The following CRYBG2 variants were observed in gnomAD, a reference collection of about 807,000 sequenced individuals.
CRYBG2 encodes the protein beta/gamma crystallin domain-containing protein 2.
Under a neutral mutation model 153.4 loss-of-function variants are expected in CRYBG2, and 106 were observed. That is an observed-to-expected ratio of 0.69 (90% CI 0.59 to 0.81). The LOEUF is 0.81. Ranked by LOEUF, CRYBG2 falls within the 30% of genes least tolerant of loss-of-function variation. CRYBG2 has a pLI of 0.00. For synonymous variants in CRYBG2, 851 were observed against 877.8 expected (o/e 0.97, Z 0.54); for missense variants, 1,996 against 2,112.0 (o/e 0.95, Z 1.08).
At chr1:26,329,760 T>C (rs1469480907) in intron 15 of CRYBG2, among the ~76,000 whole-genome samples, 1 of 151,942 alleles carries the variant, frequency 6.6e-6, no homozygotes, top group Non-Finnish European at 1.5e-5. Flanking sequence ...TACTTTATTT[T>C]TTTGAGATGG....
rs781266602 is a variant in CRYBG2 at position 26,338,369 on chromosome 1, G to A, written c.3453C>T (p.Ser1151=). 5.6e-6 allele frequency: 9 copies of A among 1,608,862 alleles called. No homozygotes were observed. In the East Asian group the frequency reaches 1.3e-4, roughly 24 times the overall value. Residue 1151 remains serine (S), a synonymous_variant, in exon 7 of 20, where the codon TCC becomes TCT. Coordinates refer to ENST00000308182, the MANE Select transcript of CRYBG2 (RefSeq NM_001039775.4). ...AWGTSDPSVG[S]LKPMRLGCPS... is the part of the protein sequence containing the mutation. The stretch of plus-strand genomic sequence containing the variant: ...TCTTTACCAATCTCATGGGCTTCAG[G>A]GAGCCCACGCTGGGGTCCGATGTGC...
At position 26,353,110 on chromosome 1, in the gene CRYBG2, T is replaced by C. The variant is rs149024080; in HGVS notation, c.-56+926A>G. ...GGTTAGAGCACAGGCACTGGAGTTA[T>C]AGAAACCTAAGTTCAGATTCTAGCC... On this transcript the variant is annotated intron_variant, in intron 1 of 19. Transcript: ENST00000308182. Among the ~76,000 whole-genome samples the C allele has an allele frequency of 1.4e-3, 209 of 152,314 alleles. 1 individual carries two copies. The highest frequency in any genetic ancestry group is 4.6e-3 in the African/African-American group (190 of 41,566).
chr1:26,342,588 C>T (rs112075476), intron 5 of CRYBG2, among the ~76,000 whole-genome samples, 166 bp downstream of exon 5: 1 of 152,130 alleles, frequency 6.6e-6, no homozygotes, highest in Non-Finnish European at 1.5e-5. Flanking sequence ...TTAGTAGAGA[C>T]GGGGTTTCAC....
rs2073918459 is a variant in CRYBG2 at position 26,325,831 on chromosome 1, C to T, written c.4579-1521G>A. Among the ~76,000 whole-genome samples the T allele has an allele frequency of 6.6e-6, 1 of 152,174 alleles. No homozygotes were observed. Among genetic ancestry groups the T allele is most frequent in the Non-Finnish European group, 1.5e-5 (1 of 68,026 alleles). On this transcript the variant is annotated intron_variant, in intron 17 of 19. Coordinates refer to ENST00000308182, the MANE Select transcript of CRYBG2 (RefSeq NM_001039775.4). This position sits in a 1 kb window ranked among gnomAD's most constrained non-coding sequence, Gnocchi z 4.1. ...GGACATACAGAAACACATATGCAGG[C>T]AGTGCTTCCCCAAGTGAGGTATGCT...
At chr1:26,341,460 G>A (rs905067379) in intron 5 of CRYBG2, among the ~76,000 whole-genome samples, 7 of 151,860 alleles carry the variant, frequency 4.6e-5, no homozygotes, top group Non-Finnish European at 7.4e-5. Context: ...ATTACTGTGC[G>A]GTGAAAACAA....
chr1:26,327,167 C>T (rs1269133882), intron 17 of CRYBG2: 3 of 240,618 alleles, frequency 1.2e-5, no homozygotes, highest in East Asian at 9.7e-5. Context: ...AACCCCATCT[C>T]TACTAAAAAT....
Position 26,343,978 on chromosome 1 carries a change from G to A in CRYBG2, c.2680C>T (p.Leu894=), listed in dbSNP as rs963655550. 8 of 1,537,056 alleles carry A rather than the reference G, an allele frequency of 5.2e-6. No individual in the cohort carries two copies. Among genetic ancestry groups the A allele is most frequent in the Non-Finnish European group, 6.1e-6 (7 of 1,146,864 alleles). The change falls in exon 2 of 20, where the codon CTG becomes TTG. Residue 894 remains leucine (L), a synonymous_variant. Transcript: ENST00000308182. The surrounding 1 kb of genome is among the most constrained non-coding windows in gnomAD (Gnocchi z 4.1). The part of the protein sequence containing the change: ...KGPHSELGLE[L]QGGSRPTSRL... ...GAAGTGGGCCTGCTGCCTCCCTGCA[G>A]TTCCAATCCCAGCTCTGAGTGGGGG...
At position 26,345,967 on chromosome 1, in the gene CRYBG2, G is replaced by A. The variant is rs748436220; in HGVS notation, c.691C>T (p.Arg231Cys). The A allele has an allele frequency of 1.0e-5, 16 of 1,593,508 alleles. No homozygotes were observed. The highest frequency in any genetic ancestry group is 1.7e-5 in the Admixed American group (1 of 59,750). ...VVGSPPGSPS[R>C]SQAVKVLSNL... is the part of the protein sequence containing the mutation. ...CTTAGCACTTTCACGGCCTGGCTGC[G>A]GCTGGGCGAGCCTGGTGGGGAGCCC... The change falls in exon 2 of 20, where the codon CGC (arginine) becomes TGC (cysteine). Residue 231 changes from arginine (R) to cysteine (C), a missense_variant. Coordinates refer to ENST00000308182, the MANE Select transcript of CRYBG2 (RefSeq NM_001039775.4).
rs1271886628 is a variant in CRYBG2, at chr1:26,344,764, C to T, written c.1894G>A (p.Glu632Lys). The stretch of plus-strand genomic sequence containing the variant: ...CTGCCTTTTGGGCCCTGGACAACCT[C>T]AGTTGACTTGGGGGACAAGGCAGCA... ...APAALSPKST[E>K]VVQGPKGSSS... Residue 632 changes from glutamate (E) to lysine (K), a missense_variant, in exon 2 of 20, where the codon GAG (glutamate) becomes AAG (lysine). Glu to Lys is a moderately conservative substitution (Grantham distance 56, BLOSUM62 1). Transcript: ENST00000308182. 1.3e-6 allele frequency: 2 copies of T among 1,536,080 alleles called. No homozygotes were observed. The highest frequency in any genetic ancestry group is 1.4e-5 in the African/African-American group (1 of 73,048).
At chr1:26,342,333 G>A (rs763849871) in intron 5 of CRYBG2, among the ~76,000 whole-genome samples, 3 of 152,218 alleles carry the variant, frequency 2.0e-5, no homozygotes, top group Non-Finnish European at 4.4e-5. Flanking sequence ...TCCCCAGTCA[G>A]CTCCACGGTC....
rs368646502 is a variant in CRYBG2, at chr1:26,343,892, G to A, written c.2766C>T (p.Thr922=). The A allele has an allele frequency of 6.5e-7, 1 of 1,527,500 alleles. No individual in the cohort carries two copies. Among genetic ancestry groups the A allele is most frequent in the Non-Finnish European group, 8.8e-7 (1 of 1,135,174 alleles). The allele number at this position is 1,527,500 out of a possible 1,614,324, so 94.6% of individuals were successfully genotyped here. A position where few individuals can be genotyped will look rare whatever the true frequency, so the allele number is the denominator to read the frequency against. Residue 922 remains threonine, a synonymous_variant, in exon 2 of 20, where the codon ACC becomes ACT. Coordinates refer to ENST00000308182, the MANE Select transcript of CRYBG2 (RefSeq NM_001039775.4). This position sits in a 1 kb window ranked among gnomAD's most constrained non-coding sequence, Gnocchi z 4.1. ...SLVPTAKEAS[T]PEPLGTKLSA... is the part of the protein sequence containing the mutation. The stretch of plus-strand genomic sequence containing the variant: ...ATAGTTTTGTGCCCAGCGGTTCCGG[G>A]GTGGAGGCCTCCTTGGCGGTAGGCA...
Position 26,338,363 on chromosome 1 carries a change from C to A in CRYBG2, c.3459G>T (p.Lys1153Asn). ...GTSDPSVGSL[K>N]PMRLGCPSVE... ...CCCTGTTCTTTACCAATCTCATGGG[C>A]TTCAGGGAGCCCACGCTGGGGTCCG... The change falls in exon 7 of 20, where the codon AAG becomes AAT. Residue 1153 changes from lysine (K) to asparagine (N), a missense_variant. Coordinates refer to ENST00000308182, the MANE Select transcript of CRYBG2 (RefSeq NM_001039775.4). 1.2e-6 allele frequency: 2 copies of A among 1,605,908 alleles called. No homozygotes were observed. The highest frequency in any genetic ancestry group is 8.5e-7 in the Non-Finnish European group (1 of 1,176,702).
At chr1:26,352,305 A>G (rs952046051) in intron 1 of CRYBG2, among the ~76,000 whole-genome samples, 1 of 151,854 alleles carries the variant, frequency 6.6e-6, no homozygotes, top group African/African-American at 2.4e-5. Flanking sequence ...ACAAATATAC[A>G]CTCACCCAAG....
chr1:26,332,294 G>A lies in CRYBG2; in HGVS notation c.4185-676C>T, dbSNP rs146197795. Among the ~76,000 whole-genome samples, 427 of 132,800 alleles carry A rather than the reference G, an allele frequency of 3.2e-3. 3 individuals carry two copies. The highest frequency in any genetic ancestry group is 0.011 in the African/African-American group (397 of 35,940). 87.1% of individuals were successfully genotyped at this position (132,800 alleles called of 152,430 possible). ...TACACTCCAGCCTGGGCAACAGAGCGAGACTCCGTGTCAAAAAAAAAAAAA... is the reference window on the plus strand; with the variant it reads ...TACACTCCAGCCTGGGCAACAGAGCAAGACTCCGTGTCAAAAAAAAAAAAA... On this transcript the variant is annotated intron_variant, in intron 14 of 19. Transcript: ENST00000308182.
In CRYBG2 at chr1:26,324,170, A is replaced by G. The variant is rs41305769; in HGVS notation, c.4719T>C (p.Asp1573=). The G allele has an allele frequency of 0.038, 61,029 of 1,613,438 alleles. 1,442 individuals are homozygous for G. Among genetic ancestry groups the G allele is most frequent in the Middle Eastern group, 0.07 (425 of 6,060 alleles). The change falls in exon 18 of 20, where the codon GAT becomes GAC. Residue 1573 remains aspartate, a synonymous_variant. Transcript: ENST00000308182. Reference sequence around the variant, plus strand: ...TCAGTACCTGGTTCTTCAGCAGCCCATCCTCGTAGTACCAGATGCAGCTAC... The same window carrying G: ...TCAGTACCTGGTTCTTCAGCAGCCCGTCCTCGTAGTACCAGATGCAGCTAC... ...AGGSCIWYYE[D]GLLKNQMAPT... is the part of the protein sequence containing the mutation.
At chr1:26,353,345 C>G (rs2074305617) in intron 1 of CRYBG2, among the ~76,000 whole-genome samples, 1 of 152,144 alleles carries the variant, frequency 6.6e-6, no homozygotes, top group African/African-American at 2.4e-5. Flanking sequence ...CAGGGTCATC[C>G]CTGGGAGGTT....
chr1:26,331,367 C>T (rs2073994571), intron 15 of CRYBG2, 122 bp downstream of exon 15: 2 of 1,407,454 alleles, frequency 1.4e-6, no homozygotes, highest in Non-Finnish European at 1.9e-6. Flanking sequence ...TCAAGGGGAC[C>T]TGGGGCAGTT....
intron 14 of CRYBG2, among the ~76,000 whole-genome samples, chr1:26,332,506 A>ATTGTTG (rs773183789): frequency 1.3e-5 from 2 of 151,420 alleles, no homozygotes; most frequent in Non-Finnish European, 2.9e-5. Flanking sequence ...TGTTGTTGTT[A>ATTGTTG]TTGTTGTTGT....
In CRYBG2 at chr1:26,344,549, A is replaced by C; in HGVS notation, c.2109T>G (p.Asp703Glu). The C allele has an allele frequency of 1.3e-6, 2 of 1,543,810 alleles. No individual in the cohort carries two copies. The highest frequency in any genetic ancestry group is 8.7e-7 in the Non-Finnish European group (1 of 1,146,848). The change falls in exon 2 of 20, where the codon GAT becomes GAG. Residue 703 changes from aspartate to glutamate, a missense_variant. Coordinates refer to ENST00000308182, the MANE Select transcript of CRYBG2 (RefSeq NM_001039775.4). ...CTGAGGAAGATGGGGCAGGGAGAGC[A>C]TCAGGGTCCTGCACAACCTCTTTCT... is the stretch of plus-strand genomic sequence containing the variant. The part of the protein sequence containing the change: ...LTQKEVVQDP[D>E]ALPAPSSSVD...
Sources: allele counts gnomAD v4.1 joint callset (sites outside exome capture counted in the v4.1 genomes callset), GRCh38; gene constraint gnomAD v4.1.1; non-coding constraint Gnocchi (gnomAD v3.1); transcripts MANE v1.5; gene names NCBI Gene and HGNC (gene_info 2026-07-23, HGNC 2026-07-21).